Variants in SDK1 observed in about 807,000 individuals in gnomAD.
SDK1 encodes protein sidekick-1.
In SDK1, 157 loss-of-function variants were observed where a neutral mutation model predicts 245.5. The observed-to-expected ratio is 0.64, with a 90% CI of 0.56 to 0.73. SDK1 has a LOEUF of 0.73. SDK1 is among the 30% of genes least tolerant of loss of function. The probability of loss-of-function intolerance (pLI) is 0.00; values close to 1 mark genes in which losing one functional copy is unlikely to be tolerated. For missense variants in SDK1, 3,583 were observed against 3,002.3 expected, an observed-to-expected ratio of 1.19 and a Z score of -4.52; for synonymous variants, 1,647 against 1,278.5, an observed-to-expected ratio of 1.29 and a Z score of -6.15.
intron 2 of SDK1, among the ~76,000 whole-genome samples, chr7:3,626,951 G>A (rs914190075): frequency 6.6e-6 from 1 of 151,438 alleles, no homozygotes; most frequent in African/African-American, 2.4e-5. Context: ...ATTTTGAGAC[G>A]GGGTCTTGCT....
chr7:4,136,542 G>C (rs1779104864), intron 28 of SDK1, among the ~76,000 whole-genome samples: 2 of 152,192 alleles, frequency 1.3e-5, no homozygotes, highest in Admixed American at 6.5e-5. Flanking sequence ...GAAAACACTT[G>C]CTTATTTGCG....
intron 1 of SDK1, among the ~76,000 whole-genome samples, chr7:3,416,912 C>T (rs984002868): frequency 1.3e-5 from 2 of 152,234 alleles, no homozygotes; most frequent in East Asian, 1.9e-4. Flanking sequence ...GTGGCTCATG[C>T]CTGTAATCCC....
At chr7:3,936,350 G>C (rs536943808) in intron 5 of SDK1, among the ~76,000 whole-genome samples, 1 of 152,118 alleles carries the variant, frequency 6.6e-6, no homozygotes, top group East Asian at 1.9e-4. Flanking sequence ...GGGAGGCCGA[G>C]GCAGGCGGAT....
chr7:3,602,892 A>C lies in SDK1; in HGVS notation c.299-16188A>C, dbSNP rs554952320. 2.4e-3 allele frequency among the ~76,000 whole-genome samples: 364 copies of C among 152,266 alleles called. 3 individuals carry two copies. Among genetic ancestry groups the C allele is most frequent in the South Asian group, 0.018 (85 of 4,824 alleles). ...AGGGAATCCAGTTTCAGCTTTCTAC[A>C]TATGGCTAGCCAGTTTTCCCAGCAC... On this transcript the variant is annotated intron_variant, in intron 1 of 44. Coordinates refer to ENST00000404826, the MANE Select transcript of SDK1 (RefSeq NM_152744.4).
intron 1 of SDK1, among the ~76,000 whole-genome samples, chr7:3,331,200 A>G (rs554451303): frequency 7.9e-5 from 12 of 152,148 alleles, no homozygotes; most frequent in African/African-American, 2.9e-4. Context: ...GGAGGCAGAG[A>G]TTGCAGTGAG....
chr7:4,116,581 T>G (rs1336077357), intron 25 of SDK1, among the ~76,000 whole-genome samples: 1 of 152,214 alleles, frequency 6.6e-6, no homozygotes. Flanking sequence ...TGGGTTGCAA[T>G]GCACAGAAGC....
chr7:4,142,033 G>A (rs1229172775), intron 28 of SDK1, among the ~76,000 whole-genome samples: 2 of 151,880 alleles, frequency 1.3e-5, no homozygotes, highest in Non-Finnish European at 2.9e-5. Flanking sequence ...GGGATCATAG[G>A]TGTGAGCCAC....
chr7:3,372,782 G>A (rs575562641), intron 1 of SDK1, among the ~76,000 whole-genome samples: 24 of 152,320 alleles, frequency 1.6e-4, no homozygotes, highest in African/African-American at 5.8e-4. Context: ...AGGAGAGCGT[G>A]CATTGCAGGC....
At chr7:4,001,449 T>G (rs79418772) in intron 14 of SDK1, among the ~76,000 whole-genome samples, 1 of 152,202 alleles carries the variant, frequency 6.6e-6, no homozygotes, top group African/African-American at 2.4e-5. Flanking sequence ...GTGGGCCACC[T>G]TTGGTGTCTT....
chr7:4,245,605 C>G, intron 43 of SDK1, 71 bp from the exon 44 acceptor site: 1 of 1,556,152 alleles, frequency 6.4e-7, no homozygotes, highest in Non-Finnish European at 8.7e-7. Context: ...GGCCAAATGC[C>G]AGGTTAGGAG....
In SDK1 at chr7:3,319,878, C is replaced by CTT. The variant is rs57770805; in HGVS notation, c.298+18010_298+18011dup. Among the ~76,000 whole-genome samples, 17 of 88,140 alleles carry CTT rather than the reference C, an allele frequency of 1.9e-4. 1 individual carries two copies. Among genetic ancestry groups the CTT allele is most frequent in the Admixed American group, 4.8e-4 (4 of 8,302 alleles). 57.8% of individuals were successfully genotyped at this position (88,140 alleles called of 152,430 possible). ...TGCCTATATCTAACCCATTCTTAGT[C>CTT]TTTTTTTTTTTTTTTTTGCATTTGC... On this transcript the variant is annotated intron_variant, in intron 1 of 44. Transcript: ENST00000404826.
intron 4 of SDK1, among the ~76,000 whole-genome samples, chr7:3,766,898 A>G (rs17133792): frequency 0.012 from 1,887 of 152,328 alleles, 29 homozygotes; most frequent in African/African-American, 0.032. Context: ...TGTCACTTTA[A>G]CAATATGCCC....
At chr7:3,766,009 C>G (rs1780241352) in intron 4 of SDK1, among the ~76,000 whole-genome samples, 1 of 152,124 alleles carries the variant, frequency 6.6e-6, no homozygotes. Flanking sequence ...GAATTGATCA[C>G]TTGCTTCACA....
Position 3,642,122 on chromosome 7 carries a change from G to GT in SDK1, c.713+19dup, listed in dbSNP as rs1782671196. 1 of 1,612,308 alleles carries GT rather than the reference G, an allele frequency of 6.2e-7. No individual in the cohort carries two copies. Among genetic ancestry groups the GT allele is most frequent in the Non-Finnish European group, 8.5e-7 (1 of 1,178,756 alleles). On this transcript the variant is annotated intron_variant, in intron 4 of 44. Coordinates refer to ENST00000404826, the MANE Select transcript of SDK1 (RefSeq NM_152744.4). ...CAACAGAATGTAAGTTGCTCCAAAC[G>GT]TTAAAGCTTCAAATACAATTGTAAT...
chr7:4,230,653 GA>G (rs1785703363), intron 40 of SDK1, among the ~76,000 whole-genome samples: 2 of 151,890 alleles, frequency 1.3e-5, no homozygotes, highest in Admixed American at 1.3e-4. Context: ...TGGATGGATA[GA>G]TGATAGCTGG....
intron 1 of SDK1, among the ~76,000 whole-genome samples, chr7:3,390,517 T>C (rs1183739247): frequency 6.6e-6 from 1 of 152,140 alleles, no homozygotes; most frequent in Non-Finnish European, 1.5e-5. Flanking sequence ...TGAATGTGAG[T>C]TTATTTGGAA....
At chr7:3,801,446 A>T (rs1463222445) in intron 4 of SDK1, among the ~76,000 whole-genome samples, 1 of 152,200 alleles carries the variant, frequency 6.6e-6, no homozygotes, top group African/African-American at 2.4e-5. Context: ...AACTGACCTC[A>T]GCTGTGCATT....
chr7:3,348,222 A>G (rs1780560079), intron 1 of SDK1, among the ~76,000 whole-genome samples: 2 of 152,288 alleles, frequency 1.3e-5, no homozygotes, highest in Admixed American at 6.5e-5. Context: ...TCACTACTTG[A>G]TAACTGTGTG....
At chr7:3,984,925 G>A (rs111232626) in intron 13 of SDK1, among the ~76,000 whole-genome samples, 1,834 of 152,288 alleles carry the variant, frequency 0.012, 43 homozygotes, top group African/African-American at 0.042. Context: ...ACCCTGTCTG[G>A]CCTCTCTGCC....
Sources: gnomAD v4.1 joint callset for allele counts (sites outside exome capture counted in the v4.1 genomes callset) on GRCh38, gnomAD v4.1.1 for gene constraint, MANE v1.5 for transcripts, NCBI Gene and HGNC (gene_info 2026-07-23, HGNC 2026-07-21) for gene names.